Variants in KCNG3 observed in about 807,000 individuals in gnomAD.
KCNG3 encodes voltage-gated potassium channel regulatory subunit KCNG3.
A neutral mutation model predicts 29.0 loss-of-function variants in KCNG3; 15 were observed. That is an observed-to-expected ratio of 0.52 (90% confidence interval 0.35 to 0.80). KCNG3 has a LOEUF of 0.80. Ranked by LOEUF, KCNG3 falls within the 30% of genes least tolerant of loss-of-function variation. KCNG3 has a pLI of 0.01. For missense variants in KCNG3, 512 were observed against 605.7 expected (o/e 0.85, Z 1.62); for synonymous variants, 322 against 248.9 (o/e 1.29, Z -2.76).
the KCNG3 span, among the ~76,000 whole-genome samples, chr2:42,405,033 A>C: frequency 6.6e-6 from 1 of 152,166 alleles, no homozygotes; most frequent in Non-Finnish European, 1.5e-5. Context: ...CTTCCAACCA[A>C]ATCTCACACA....
chr2:42,457,627 T>TCTCTCACACACACA (rs1553327818), intron 1 of KCNG3, among the ~76,000 whole-genome samples: 2 of 125,434 alleles, frequency 1.6e-5, no homozygotes, highest in African/African-American at 6.0e-5. Context: ...CAGGCAGATC[T>TCTCTCACACACACA]CACACACACA....
intron 1 of KCNG3, among the ~76,000 whole-genome samples, chr2:42,488,811 A>G (rs1395326086): frequency 6.6e-6 from 1 of 152,008 alleles, no homozygotes; most frequent in African/African-American, 2.4e-5. Flanking sequence ...CGGCCTCCCA[A>G]AGTGCTGGAA....
the KCNG3 span, among the ~76,000 whole-genome samples, chr2:42,404,854 C>T: frequency 0.055 from 8,408 of 152,240 alleles, 303 homozygotes; most frequent in South Asian, 0.18. Context: ...ATGGTTAAAA[C>T]CACCACTGAC....
the KCNG3 span, among the ~76,000 whole-genome samples, chr2:42,423,220 G>A: frequency 1.4e-4 from 21 of 152,048 alleles, no homozygotes; most frequent in Non-Finnish European, 2.6e-4. Flanking sequence ...TTATTGCTAC[G>A]GAAACCACTC....
At chr2:42,482,991 T>C (rs935044027) in intron 1 of KCNG3, among the ~76,000 whole-genome samples, 6 of 151,684 alleles carry the variant, frequency 4.0e-5, no homozygotes, top group Non-Finnish European at 7.4e-5. Context: ...CACGGTGGTG[T>C]GTGCCTGTAG....
At chr2:42,390,245 A>C in the KCNG3 span, among the ~76,000 whole-genome samples, 2 of 152,202 alleles carry the variant, frequency 1.3e-5, no homozygotes, top group Non-Finnish European at 2.9e-5. Context: ...CATCTCCTGT[A>C]ATCATTAAAT....
chr2:42,463,302 G>T, intron 1 of KCNG3: 1 of 185,920 alleles, frequency 5.4e-6, no homozygotes, highest in Admixed American at 6.1e-5. Flanking sequence ...GCAGGCATCA[G>T]GGTCCATCTG....
chr2:42,452,243 A>ATATATATTT, intron 1 of KCNG3, among the ~76,000 whole-genome samples: 3 of 95,048 alleles, frequency 3.2e-5, no homozygotes, highest in East Asian at 4.6e-4. Context: ...ATATATATAT[A>ATATATATTT]TTTTTTTTTT....
intron 1 of KCNG3, among the ~76,000 whole-genome samples, chr2:42,464,322 C>G (rs188162702): frequency 1.8e-3 from 274 of 152,258 alleles, no homozygotes; most frequent in Admixed American, 3.4e-3. Context: ...CTGCCTTGGC[C>G]TCCCAAAGTG....
the KCNG3 span, among the ~76,000 whole-genome samples, chr2:42,408,312 T>C: frequency 6.6e-6 from 1 of 152,142 alleles, no homozygotes; most frequent in Non-Finnish European, 1.5e-5. Flanking sequence ...GGGCTGCCTG[T>C]CCCGCAGACC....
At chr2:42,389,965 T>G in the KCNG3 span, among the ~76,000 whole-genome samples, 2 of 152,318 alleles carry the variant, frequency 1.3e-5, no homozygotes, top group Admixed American at 1.3e-4. Flanking sequence ...ATCAGCAAAG[T>G]TTACTGTTGT....
chr2:42,398,732 C>T, the KCNG3 span, among the ~76,000 whole-genome samples: 1 of 152,144 alleles, frequency 6.6e-6, no homozygotes, highest in South Asian at 2.1e-4. Context: ...ATCCAAGGGA[C>T]AGGAGCCGGG....
chr2:42,434,620 C>T, the KCNG3 span, among the ~76,000 whole-genome samples: 4 of 141,024 alleles, frequency 2.8e-5, no homozygotes, highest in East Asian at 2.1e-4. Flanking sequence ...GAGCCGAGAT[C>T]GCACCGCTTC....
At chr2:42,483,077 T>C (rs1438354336) in intron 1 of KCNG3, among the ~76,000 whole-genome samples, 6 of 151,820 alleles carry the variant, frequency 4.0e-5, no homozygotes, top group Admixed American at 3.9e-4. Context: ...AAGGAGACTG[T>C]ACCACTGCAA....
At chr2:42,456,976 C>T (rs1672892080) in intron 1 of KCNG3, among the ~76,000 whole-genome samples, 1 of 152,082 alleles carries the variant, frequency 6.6e-6, no homozygotes, top group African/African-American at 2.4e-5. Context: ...TTTTCTTACA[C>T]ACTTTAATTA....
At chr2:42,465,797 T>C (rs1673128288) in intron 1 of KCNG3, among the ~76,000 whole-genome samples, 1 of 147,054 alleles carries the variant, frequency 6.8e-6, no homozygotes, top group Non-Finnish European at 1.5e-5. Context: ...AAATAACCCA[T>C]TTTTTAAAAA....
rs575981685 is a variant in KCNG3 at position 42,442,881 on chromosome 2, G to A, written c.*1053C>T. ...CAGATCAAATCATTATGTATCCATC[G>A]CTTTTACTGGCTTAAAATTGACTTA... On this transcript the variant is annotated 3_prime_UTR_variant, in exon 2 of 2. Transcript: ENST00000306078. 1 of 152,176 alleles carries A rather than the reference G, an allele frequency of 6.6e-6. No homozygotes were observed. Among genetic ancestry groups the A allele is most frequent in the African/African-American group, 2.4e-5 (1 of 41,518 alleles). The allele number at this position is 152,176 out of a possible 1,614,324, so 9.4% of individuals were successfully genotyped here.
chr2:42,473,005 T>C (rs4311098), intron 1 of KCNG3, among the ~76,000 whole-genome samples: 130,700 of 149,456 alleles, frequency 0.87, 57,100 homozygotes, highest in Middle Eastern at 0.95. Flanking sequence ...AGGTTCACGC[T>C]ATTCTCCTGC....
rs369788175 is a variant in KCNG3, at chr2:42,448,254, C to T, written c.666-3675G>A. 4.6e-5 allele frequency among the ~76,000 whole-genome samples: 7 copies of T among 152,254 alleles called. No homozygotes were observed. The South Asian group carries it at 1.4e-3, about 32-fold the overall frequency. ...ACTGTTCCTTGAAATACCAGTTTTGCAAAATGATTCCAGAGCCTTTGCCTG... is the reference window on the plus strand; with the variant it reads ...ACTGTTCCTTGAAATACCAGTTTTGTAAAATGATTCCAGAGCCTTTGCCTG... On this transcript the variant is annotated intron_variant, in intron 1 of 1. Coordinates refer to ENST00000306078, the MANE Select transcript of KCNG3 (RefSeq NM_133329.6).
Sources: allele counts gnomAD v4.1 joint callset (sites outside exome capture counted in the v4.1 genomes callset), GRCh38; gene constraint gnomAD v4.1.1; transcripts MANE v1.5; gene names NCBI Gene and HGNC (gene_info 2026-07-23, HGNC 2026-07-21).